The following SGMS2 variants were observed in gnomAD, a reference collection of about 807,000 sequenced individuals.
SGMS2 encodes the protein phosphatidylcholine:ceramide cholinephosphotransferase 2.
SGMS2 carries 21 observed loss-of-function variants against 43.8 expected under a neutral mutation model. The observed-to-expected ratio is 0.48, with a 90% CI of 0.34 to 0.69. SGMS2 has a LOEUF of 0.69. Among genes scored for constraint, SGMS2 ranks in the 30% least tolerant of loss-of-function variants. SGMS2 has a pLI of 0.01. For synonymous variants in SGMS2, 167 were observed against 160.6 expected (o/e 1.04, Z -0.30); for missense variants, 384 against 443.2 (o/e 0.87, Z 1.20).
intron 2 of SGMS2, among the ~76,000 whole-genome samples, chr4:107,877,731 T>C (rs903584442): frequency 7.9e-5 from 12 of 152,112 alleles, no homozygotes; most frequent in Admixed American, 6.6e-4. Flanking sequence ...TGTCTGTTTA[T>C]ATTATAGGGA....
At chr4:107,883,852 T>C (rs2126089972) in intron 2 of SGMS2, among the ~76,000 whole-genome samples, 1 of 152,324 alleles carries the variant, frequency 6.6e-6, no homozygotes, top group African/African-American at 2.4e-5. Context: ...AAAAAATCAT[T>C]ATTCTTGCTG....
At position 107,912,403 on chromosome 4, in the gene SGMS2, G is replaced by T. The variant is rs1325329818; in HGVS notation, c.*1850G>T. Reference sequence around the variant, plus strand: ...TAAACATATACTTAGTTTACCTGATGAGTTTAGACATAATTCTATATAATG... The same window carrying T: ...TAAACATATACTTAGTTTACCTGATTAGTTTAGACATAATTCTATATAATG... On this transcript the variant is annotated 3_prime_UTR_variant, in exon 7 of 7. Coordinates refer to ENST00000690982, the MANE Select transcript of SGMS2 (RefSeq NM_001375905.1). 6.6e-6 allele frequency: 1 copy of T among 152,268 alleles called. No individual in the cohort carries two copies. Among genetic ancestry groups the T allele is most frequent in the South Asian group, 2.1e-4 (1 of 4,824 alleles). The allele number at this position is 152,268 out of a possible 1,614,324, so 9.4% of individuals were successfully genotyped here.
intron 1 of SGMS2, among the ~76,000 whole-genome samples, chr4:107,839,994 T>C (rs1299729152): frequency 6.6e-6 from 1 of 152,188 alleles, no homozygotes; most frequent in Non-Finnish European, 1.5e-5. Context: ...AAGGCTGTCT[T>C]TCACTGTCAC....
At chr4:107,862,902 C>T (rs748845041) in intron 2 of SGMS2, among the ~76,000 whole-genome samples, 3 of 152,120 alleles carry the variant, frequency 2.0e-5, no homozygotes, top group South Asian at 2.1e-4. Context: ...CAGGAAATGC[C>T]GCCTCTACAA....
intron 2 of SGMS2, among the ~76,000 whole-genome samples, chr4:107,864,661 A>G (rs1292048647): frequency 6.6e-6 from 1 of 152,228 alleles, no homozygotes; most frequent in Non-Finnish European, 1.5e-5. Context: ...ATAACATGAT[A>G]TAATGATTTA....
At chr4:107,888,806 C>G (rs1217600406) in intron 2 of SGMS2, among the ~76,000 whole-genome samples, 3 of 151,826 alleles carry the variant, frequency 2.0e-5, no homozygotes, top group Non-Finnish European at 4.4e-5. Context: ...AATGAAATAT[C>G]TATTATTTAA....
intron 1 of SGMS2, among the ~76,000 whole-genome samples, chr4:107,848,825 C>T (rs1726977214): frequency 6.6e-6 from 1 of 152,090 alleles, no homozygotes; most frequent in African/African-American, 2.4e-5. Context: ...GTGTGTTTTG[C>T]AAATACTTTC....
chr4:107,867,752 TA>T (rs1410438002), intron 2 of SGMS2: 2 of 152,084 alleles, frequency 1.3e-5, no homozygotes, highest in African/African-American at 4.8e-5. Flanking sequence ...GTAAGTACTA[TA>T]TGAGTGTTAG....
intron 1 of SGMS2, among the ~76,000 whole-genome samples, chr4:107,856,989 A>G (rs1252654854): frequency 1.2e-4 from 18 of 152,186 alleles, no homozygotes; most frequent in Admixed American, 1.2e-3. Flanking sequence ...AGCACTCCAG[A>G]AAGAAACCCT....
chr4:107,905,171 C>G (rs1731451471), intron 5 of SGMS2, among the ~76,000 whole-genome samples: 1 of 152,182 alleles, frequency 6.6e-6, no homozygotes, highest in South Asian at 2.1e-4. Context: ...GTTTAGTGGA[C>G]TCACAGTTCC....
intron 1 of SGMS2, among the ~76,000 whole-genome samples, chr4:107,830,905 C>T (rs1725854018): frequency 6.6e-6 from 1 of 152,118 alleles, no homozygotes; most frequent in African/African-American, 2.4e-5. Flanking sequence ...CAAGCTTCTC[C>T]AAACACAGAA....
At chr4:107,886,697 G>A (rs761231645) in intron 2 of SGMS2, 2 of 152,112 alleles carry the variant, frequency 1.3e-5, no homozygotes, top group Non-Finnish European at 2.9e-5. Context: ...CAGGGACTGT[G>A]TAGACATGTA....
rs1725485513 is a variant in SGMS2, at chr4:107,824,979, C to T, written c.-601C>T. The T allele has an allele frequency of 1.3e-5, 2 of 151,298 alleles. No homozygotes were observed. Among genetic ancestry groups the T allele is most frequent in the African/African-American group, 4.8e-5 (2 of 41,300 alleles). The allele number at this position is 151,298 out of a possible 1,614,324, so 9.4% of individuals were successfully genotyped here. On this transcript the variant is annotated 5_prime_UTR_variant, in exon 1 of 7. Coordinates refer to ENST00000690982, the MANE Select transcript of SGMS2 (RefSeq NM_001375905.1). ...GAGTGGGGCGGGGAGACCCAGCCCT[C>T]GGCGCGCACGGAGCCTGGCCGGTGC...
intron 1 of SGMS2, among the ~76,000 whole-genome samples, chr4:107,836,955 A>G (rs979546146): frequency 1.3e-5 from 2 of 152,210 alleles, no homozygotes; most frequent in Admixed American, 6.5e-5. Context: ...TCACCTGACC[A>G]CTGGGGAAGC....
intron 4 of SGMS2, among the ~76,000 whole-genome samples, chr4:107,902,682 A>T (rs1281930736): frequency 3.0e-4 from 45 of 152,228 alleles, no homozygotes; most frequent in Admixed American, 2.8e-3. Flanking sequence ...AGCTGCCAGT[A>T]CATCCCTAAT....
chr4:107,887,973 G>A (rs957695558), intron 2 of SGMS2, among the ~76,000 whole-genome samples: 1 of 152,112 alleles, frequency 6.6e-6, no homozygotes, highest in African/African-American at 2.4e-5. Context: ...ATCAGACACA[G>A]GGACCCATAT....
chr4:107,913,923 G>T lies in SGMS2; in HGVS notation c.*3370G>T, dbSNP rs990030428. 6.6e-6 allele frequency: 1 copy of T among 151,766 alleles called. No individual in the cohort carries two copies. The highest frequency in any genetic ancestry group is 6.6e-5 in the Admixed American group (1 of 15,228). 9.4% of individuals were successfully genotyped at this position (151,766 alleles called of 1,614,324 possible). ...CTTAATTCTTTTTTGTTTTTGTTTT[G>T]CACTGTAAAACTGATGAAAACTTTA... On this transcript the variant is annotated 3_prime_UTR_variant, in exon 7 of 7. Transcript: ENST00000690982.
chr4:107,869,109 A>G (rs1728360109), intron 2 of SGMS2, among the ~76,000 whole-genome samples: 1 of 152,214 alleles, frequency 6.6e-6, no homozygotes, highest in South Asian at 2.1e-4. Flanking sequence ...GCAGAAAGTT[A>G]TAAATGGAAA....
intron 3 of SGMS2, among the ~76,000 whole-genome samples, chr4:107,896,425 A>G (rs1291566043): frequency 3.3e-5 from 5 of 152,186 alleles, no homozygotes; most frequent in African/African-American, 7.2e-5. Flanking sequence ...TCCATTACTC[A>G]TAATGTGATG....
Sources: gnomAD v4.1 joint callset for allele counts (sites outside exome capture counted in the v4.1 genomes callset) on GRCh38, gnomAD v4.1.1 for gene constraint, MANE v1.5 for transcripts, NCBI Gene and HGNC (gene_info 2026-07-23, HGNC 2026-07-21) for gene names.